Variants in CSRNP3 observed in about 807,000 individuals in gnomAD.
CSRNP3 encodes cysteine/serine-rich nuclear protein 3.
A neutral mutation model predicts 48.0 loss-of-function variants in CSRNP3; 12 were observed. That is an observed-to-expected ratio of 0.25 (90% CI 0.16 to 0.41). The LOEUF is 0.41. Among genes scored for constraint, CSRNP3 ranks in the 10% least tolerant of loss-of-function variants. CSRNP3 has a pLI of 1.00. For missense variants in CSRNP3, 580 were observed against 724.4 expected (o/e 0.80, Z 2.29); for synonymous variants, 263 against 269.7 (o/e 0.98, Z 0.24).
intron 2 of CSRNP3, among the ~76,000 whole-genome samples, chr2:165,509,852 C>T (rs574017217): frequency 3.2e-4 from 49 of 152,212 alleles, no homozygotes; most frequent in South Asian, 1.0e-3. Flanking sequence ...ACATTGAATT[C>T]GGTCATCATG....
At position 165,686,322 on chromosome 2, in the gene CSRNP3, A is replaced by G. The variant is rs745730937; in HGVS notation, c.*6569A>G. ...TAATAATGGTTTTGCTGTTGTCTCT[A>G]CATAGGGGACCTATGGAAAAGGAGT... On this transcript the variant is annotated 3_prime_UTR_variant, in exon 7 of 7. Coordinates refer to ENST00000651982, the MANE Select transcript of CSRNP3 (RefSeq NM_001172173.2). The G allele has an allele frequency of 6.6e-6, 1 of 152,022 alleles. No individual in the cohort carries two copies. The highest frequency in any genetic ancestry group is 1.5e-5 in the Non-Finnish European group (1 of 67,954). 9.4% of individuals were successfully genotyped at this position (152,022 alleles called of 1,614,324 possible). A position where few individuals can be genotyped will look rare whatever the true frequency, so the allele number is the denominator to read the frequency against.
At chr2:165,561,802 C>A (rs1490461771) in intron 3 of CSRNP3, among the ~76,000 whole-genome samples, 1 of 152,056 alleles carries the variant, frequency 6.6e-6, no homozygotes, top group Non-Finnish European at 1.5e-5. Flanking sequence ...TTTGTAAGCT[C>A]TTTTTCTTTC....
intron 1 of CSRNP3, among the ~76,000 whole-genome samples, chr2:165,480,784 T>TATATATA (rs1301122307): frequency 2.4e-5 from 3 of 124,908 alleles, no homozygotes; most frequent in Non-Finnish European, 5.5e-5. Flanking sequence ...TTATATATTA[T>TATATATA]ATATATAATA....
chr2:165,495,149 C>T (rs1277431898), intron 2 of CSRNP3, among the ~76,000 whole-genome samples: 3 of 151,950 alleles, frequency 2.0e-5, no homozygotes, highest in African/African-American at 7.2e-5. Flanking sequence ...TGAGTCCAAT[C>T]GGAGGTAAGC....
intron 3 of CSRNP3, among the ~76,000 whole-genome samples, chr2:165,533,976 C>T: frequency 6.6e-6 from 1 of 151,878 alleles, no homozygotes; most frequent in East Asian, 1.9e-4. Flanking sequence ...ATTAATACAA[C>T]ATATAATGAA....
At chr2:165,599,923 A>G (rs926766982) in intron 4 of CSRNP3, among the ~76,000 whole-genome samples, 1 of 98,194 alleles carries the variant, frequency 1.0e-5, no homozygotes, top group African/African-American at 3.6e-5. Context: ...TTAATTTCAC[A>G]TTGGGATTCT....
intron 5 of CSRNP3, among the ~76,000 whole-genome samples, chr2:165,665,775 A>AAGAGAGAGAGAGAGAGAG (rs10645178): frequency 5.6e-3 from 735 of 131,164 alleles, no homozygotes; most frequent in African/African-American, 0.017. Flanking sequence ...AAAAGAAAGA[A>AAGAGAGAGAGAGAGAGAG]AGAGAGAGAG....
At chr2:165,555,623 G>A (rs1438460174) in intron 3 of CSRNP3, among the ~76,000 whole-genome samples, 2 of 152,180 alleles carry the variant, frequency 1.3e-5, no homozygotes, top group Non-Finnish European at 2.9e-5. Flanking sequence ...CCTACTCATT[G>A]ATGGTGAAGC....
rs919225097 is a variant in CSRNP3 at position 165,619,904 on chromosome 2, G to T, written c.148+24691G>T. On this transcript the variant is annotated intron_variant, in intron 4 of 6. Coordinates refer to ENST00000651982, the MANE Select transcript of CSRNP3 (RefSeq NM_001172173.2). ...GTTAAACTTGCTACTTAGGTTGGGG[G>T]TACATATTCTTAGTAAGAGCAAGAC... Among the ~76,000 whole-genome samples the T allele has an allele frequency of 2.6e-5, 4 of 152,032 alleles. No individual in the cohort carries two copies. The South Asian group carries it at 6.2e-4, about 24-fold the overall frequency.
intron 3 of CSRNP3, among the ~76,000 whole-genome samples, chr2:165,518,248 A>T (rs991521564): frequency 6.6e-6 from 1 of 151,972 alleles, no homozygotes; most frequent in African/African-American, 2.4e-5. Context: ...TGACATTTCT[A>T]TAAATTTTTC....
At chr2:165,491,012 A>G (rs1684198620) in intron 1 of CSRNP3, among the ~76,000 whole-genome samples, 1 of 139,034 alleles carries the variant, frequency 7.2e-6, no homozygotes, top group South Asian at 2.3e-4. Flanking sequence ...GTGAACAGGC[A>G]ACCTACAACA....
intron 2 of CSRNP3, among the ~76,000 whole-genome samples, chr2:165,511,975 G>A (rs1333394945): frequency 1.3e-5 from 2 of 152,134 alleles, no homozygotes; most frequent in East Asian, 3.9e-4. Flanking sequence ...TTGGAGGTGA[G>A]TGTATGTGCA....
Position 165,679,334 on chromosome 2 carries a change from C to T in CSRNP3, c.1339C>T (p.Pro447Ser). The change falls in exon 7 of 7, where the codon CCA (proline) becomes TCA (serine). Residue 447 changes from proline to serine, a missense_variant. This residue lies in a region of CSRNP3 where 369 missense variants were observed against 380.8 expected (regional missense o/e 0.97). Transcript: ENST00000651982. ...YQIDSHIPGT[P>S]NQISENYSER... ...AATAGATAGCCACATTCCAGGAACT[C>T]CAAATCAGATCTCTGAGAACTATTC... 1.2e-6 allele frequency: 2 copies of T among 1,613,764 alleles called. No homozygotes were observed. The highest frequency in any genetic ancestry group is 1.7e-6 in the Non-Finnish European group (2 of 1,179,938).
intron 2 of CSRNP3, among the ~76,000 whole-genome samples, chr2:165,514,070 T>G (rs1334435611): frequency 1.3e-5 from 2 of 152,262 alleles, no homozygotes; most frequent in African/African-American, 4.8e-5. Flanking sequence ...ACCCTGGGCT[T>G]CTTTAAATGA....
At chr2:165,550,989 A>G (rs967808416) in intron 3 of CSRNP3, among the ~76,000 whole-genome samples, 4 of 151,498 alleles carry the variant, frequency 2.6e-5, no homozygotes, top group Admixed American at 6.6e-5. Context: ...TTTTTTTTCA[A>G]TTCTGAAATC....
chr2:165,473,169 C>T (rs1159773963), intron 1 of CSRNP3, among the ~76,000 whole-genome samples: 1 of 152,078 alleles, frequency 6.6e-6, no homozygotes, highest in African/African-American at 2.4e-5. Flanking sequence ...TTTAAAAATA[C>T]AGTTTGTTAG....
At position 165,599,283 on chromosome 2, in the gene CSRNP3, G is replaced by GAGAGAAAGAA. The variant is rs1553478328; in HGVS notation, c.148+4073_148+4074insGAAAGAAAGA. ...AAAGAAAAAGAAAGAAAGAGAGAGA[G>GAGAGAAAGAA]AGAAAGAAAGAAAGAAAGAAAGAAA... On this transcript the variant is annotated intron_variant, in intron 4 of 6. Coordinates refer to ENST00000651982, the MANE Select transcript of CSRNP3 (RefSeq NM_001172173.2). Among the ~76,000 whole-genome samples the GAGAGAAAGAA allele has an allele frequency of 9.5e-5, 10 of 104,834 alleles. No individual in the cohort carries two copies. The East Asian group carries it at 1.3e-3, about 14-fold the overall frequency. The allele number at this position is 104,834 out of a possible 152,430, so 68.8% of individuals were successfully genotyped here.
At chr2:165,494,310 C>T (rs1280515238) in intron 1 of CSRNP3, among the ~76,000 whole-genome samples, 1 of 151,872 alleles carries the variant, frequency 6.6e-6, no homozygotes, top group Non-Finnish European at 1.5e-5. Flanking sequence ...GCCCTTATAC[C>T]TGAGAAAAAA....
At chr2:165,539,815 A>T (rs973867163) in intron 3 of CSRNP3, among the ~76,000 whole-genome samples, 1 of 152,064 alleles carries the variant, frequency 6.6e-6, no homozygotes, top group Non-Finnish European at 1.5e-5. Context: ...AATTAATTTA[A>T]TTCTGTGCCT....
Sources: allele counts gnomAD v4.1 joint callset (sites outside exome capture counted in the v4.1 genomes callset), GRCh38; gene constraint gnomAD v4.1.1; regional missense constraint gnomAD v4.1.1; transcripts MANE v1.5; gene names NCBI Gene and HGNC (gene_info 2026-07-23, HGNC 2026-07-21).